The following COL13A1 variants were observed in gnomAD, a reference collection of about 807,000 sequenced individuals.
COL13A1 encodes collagen type XIII alpha 1 chain.
A neutral mutation model predicts 130.9 loss-of-function variants in COL13A1; 89 were observed. The observed-to-expected ratio is 0.68, with a 90% CI of 0.57 to 0.81. The LOEUF is 0.81. COL13A1 is among the 30% of genes least tolerant of loss of function. COL13A1 has a pLI of 0.00. For missense variants in COL13A1, 879 were observed against 934.6 expected (o/e 0.94, Z 0.78); for synonymous variants, 402 against 341.6 (o/e 1.18, Z -1.95).
chr10:69,885,753 TC>T (rs1483814218), intron 7 of COL13A1, among the ~76,000 whole-genome samples: 15 of 152,212 alleles, frequency 9.9e-5, no homozygotes, highest in Non-Finnish European at 2.1e-4. Context: ...CTGGGAGGCT[TC>T]AGAGATGACA....
chr10:69,846,924 G>T (rs1589414555), intron 2 of COL13A1, among the ~76,000 whole-genome samples: 1 of 152,182 alleles, frequency 6.6e-6, no homozygotes, highest in Non-Finnish European at 1.5e-5. Flanking sequence ...TTCAAGTGGG[G>T]GTGCTTCCCA....
intron 14 of COL13A1, among the ~76,000 whole-genome samples, 175 bp downstream of exon 14, chr10:69,898,937 C>G (rs557051870): frequency 2.0e-5 from 3 of 152,208 alleles, no homozygotes; most frequent in Non-Finnish European, 4.4e-5. Context: ...CCCCAGAAGA[C>G]CCACAACTAC....
At chr10:69,923,067 G>T (rs575377830) in intron 23 of COL13A1, among the ~76,000 whole-genome samples, 91 of 152,314 alleles carry the variant, frequency 6.0e-4, no homozygotes, top group African/African-American at 2.0e-3. Context: ...CTGAGTCAGG[G>T]CGCAATGGCT....
In COL13A1 at chr10:69,889,553, A is replaced by G. The variant is rs2683572; in HGVS notation, c.603+113A>G. On this transcript the variant is annotated intron_variant, in intron 10 of 40. Transcript: ENST00000645393. Reference sequence around the variant, plus strand: ...ACAGGGACAACAGGAATGGCTGTCCATGCTGGTCACTCCCCAGCTGTGTAA... The same window carrying G: ...ACAGGGACAACAGGAATGGCTGTCCGTGCTGGTCACTCCCCAGCTGTGTAA... 0.81 allele frequency: 1,116,142 copies of G among 1,375,432 alleles called. 456,439 individuals are homozygous for G. The highest frequency in any genetic ancestry group is 0.87 in the Middle Eastern group (4,884 of 5,618). 85.2% of individuals were successfully genotyped at this position (1,375,432 alleles called of 1,614,324 possible).
At chr10:69,947,234 C>A in intron 37 of COL13A1, 73 bp from the exon 38 acceptor site, 1 of 1,371,562 alleles carries the variant, frequency 7.3e-7, no homozygotes, top group Non-Finnish European at 1.0e-6. Flanking sequence ...GTTTGATGAG[C>A]CTGGAAGAAA....
intron 37 of COL13A1, among the ~76,000 whole-genome samples, chr10:69,946,555 T>G (rs1589709899): frequency 6.6e-6 from 1 of 152,214 alleles, no homozygotes; most frequent in East Asian, 1.9e-4. Context: ...CAGGCTTGTC[T>G]CATGCTAAAT....
chr10:69,830,167 C>T (rs1242306602), intron 2 of COL13A1, among the ~76,000 whole-genome samples: 1 of 152,234 alleles, frequency 6.6e-6, no homozygotes, highest in African/African-American at 2.4e-5. Flanking sequence ...ACTGAAAAAT[C>T]ATTTGGCAGT....
intron 2 of COL13A1, among the ~76,000 whole-genome samples, chr10:69,846,354 G>A (rs1489576106): frequency 6.6e-6 from 1 of 152,030 alleles, no homozygotes; most frequent in Admixed American, 6.5e-5. Context: ...CAGCCCAGCT[G>A]CTTGGACATA....
intron 1 of COL13A1, among the ~76,000 whole-genome samples, chr10:69,815,959 T>A (rs1589197381): frequency 1.3e-5 from 2 of 148,836 alleles, no homozygotes; most frequent in South Asian, 2.1e-4. Flanking sequence ...GAGGAAGGGG[T>A]GCAGGAGGTG....
intron 2 of COL13A1, among the ~76,000 whole-genome samples, chr10:69,843,605 C>G (rs576726271): frequency 3.9e-4 from 59 of 152,176 alleles, no homozygotes; most frequent in African/African-American, 1.2e-3. Context: ...TGTTTTCTAT[C>G]CAACAGCTTT....
At chr10:69,826,214 G>A (rs1847447488) in intron 2 of COL13A1, among the ~76,000 whole-genome samples, 1 of 152,218 alleles carries the variant, frequency 6.6e-6, no homozygotes, top group Non-Finnish European at 1.5e-5. Context: ...CCGCCACGCT[G>A]GGGCTGGGTG....
At position 69,939,285 on chromosome 10, in the gene COL13A1, C is replaced by G. The variant is rs117528950; in HGVS notation, c.1878+1570C>G. Among the ~76,000 whole-genome samples, 826 of 152,270 alleles carry G rather than the reference C, an allele frequency of 5.4e-3. 10 individuals are homozygous for G. The highest frequency in any genetic ancestry group is 0.015 in the African/African-American group (620 of 41,542). ...AGCTGACTGTTGCCTTGGAGGAAGG[C>G]GGAGCTGGTATTTCTGGATCTTCCT... On this transcript the variant is annotated intron_variant, in intron 34 of 40. Transcript: ENST00000645393.
At chr10:69,947,402 T>TCACC in intron 38 of COL13A1, 60 bp downstream of exon 38, 1 of 1,476,876 alleles carries the variant, frequency 6.8e-7, no homozygotes, top group Non-Finnish European at 9.3e-7. Context: ...TGGGGTGGAA[T>TCACC]GATCGATCGG....
At chr10:69,958,352 G>A (rs1365785729) in intron 40 of COL13A1, among the ~76,000 whole-genome samples, 2 of 152,234 alleles carry the variant, frequency 1.3e-5, no homozygotes, top group Non-Finnish European at 2.9e-5. Context: ...GAGCTGCAAT[G>A]TCTTGGAGAA....
chr10:69,930,562 AG>A lies in COL13A1; in HGVS notation c.1683+13del. The A allele has an allele frequency of 1.2e-6, 2 of 1,611,546 alleles. No homozygotes were observed. The highest frequency in any genetic ancestry group is 1.7e-5 in the Admixed American group (1 of 59,632). ...ACAAGCAGGCTCACCGGTGAGTGGCAGGGCTGGCTGCCCTTCCGTGCATACA... is the reference window on the plus strand; with the variant it reads ...ACAAGCAGGCTCACCGGTGAGTGGCAGGCTGGCTGCCCTTCCGTGCATACA... On this transcript the variant is annotated intron_variant, in intron 30 of 40. Coordinates refer to ENST00000645393, the MANE Select transcript of COL13A1 (RefSeq NM_001368882.1).
rs555784490 is a variant in COL13A1, at chr10:69,830,718, A to AT, written c.364+8286dup. On this transcript the variant is annotated intron_variant, in intron 2 of 40. Transcript: ENST00000645393. The stretch of plus-strand genomic sequence containing the variant: ...GGTGGGTACGCCAGGTTCAGTACAT[A>AT]TTTTTTGTAATAACTTTATTGCGAT... 6.1e-3 allele frequency among the ~76,000 whole-genome samples: 923 copies of AT among 152,258 alleles called. 15 individuals carry two copies. Among genetic ancestry groups the AT allele is most frequent in the African/African-American group, 0.021 (892 of 41,542 alleles).
Position 69,936,160 on chromosome 10 carries a change from GGAAGGAAGGAAGGAAGGA to G in COL13A1, c.1771-595_1771-578del, listed in dbSNP as rs1565119405. Among the ~76,000 whole-genome samples the G allele has an allele frequency of 7.2e-4, 5 of 6,948 alleles. No individual in the cohort carries two copies. The South Asian group carries it at 0.071, about 99-fold the overall frequency. 4.6% of individuals were successfully genotyped at this position (6,948 alleles called of 152,430 possible). A position where few individuals can be genotyped will look rare whatever the true frequency, so the allele number is the denominator to read the frequency against. ...AGGAAGGAAGGAAGGAAGGAAGGAA[GGAAGGAAGGAAGGAAGGA>G]AAGGAAAGGAAGGAAGGAAGGGCGA... On this transcript the variant is annotated intron_variant, in intron 32 of 40. Transcript: ENST00000645393.
At chr10:69,897,562 C>G (rs1051597430) in intron 13 of COL13A1, 2 of 1,611,546 alleles carry the variant, frequency 1.2e-6, no homozygotes, top group Non-Finnish European at 8.5e-7. Flanking sequence ...CTCCGGGCCC[C>G]TCTCCACTGA....
At chr10:69,949,295 G>A (rs749782338) in intron 38 of COL13A1, among the ~76,000 whole-genome samples, 2 of 152,184 alleles carry the variant, frequency 1.3e-5, no homozygotes, top group Non-Finnish European at 2.9e-5. Flanking sequence ...TGATTTCCCT[G>A]CCTCAGCCTC....
Sources: gnomAD v4.1 joint callset for allele counts (sites outside exome capture counted in the v4.1 genomes callset) on GRCh38, gnomAD v4.1.1 for gene constraint, MANE v1.5 for transcripts, NCBI Gene and HGNC (gene_info 2026-07-23, HGNC 2026-07-21) for gene names.